The following RBFOX1 variants were observed in gnomAD, a reference collection of about 807,000 sequenced individuals.
RBFOX1 encodes the protein RNA binding fox-1 homolog 1.
Under a neutral mutation model 57.7 loss-of-function variants are expected in RBFOX1, and 8 were observed. The observed-to-expected ratio is 0.14, with a 90% CI of 0.08 to 0.25. The LOEUF is 0.25. Among genes scored for constraint, RBFOX1 ranks in the 10% least tolerant of loss-of-function variants. The pLI, the probability that RBFOX1 is intolerant of heterozygous loss-of-function variation, is 1.00. For missense variants in RBFOX1, 611 were observed against 548.5 expected (o/e 1.11, Z -1.14); for synonymous variants, 326 against 222.4 (o/e 1.47, Z -4.15).
chr16:6,243,323 G>T (rs1383018860), intron 1 of RBFOX1, among the ~76,000 whole-genome samples: 2 of 152,140 alleles, frequency 1.3e-5, no homozygotes, highest in East Asian at 1.9e-4. Context: ...TGAATTGGGA[G>T]AAATAAAAGT....
chr16:7,327,813 C>T (rs2096630927), intron 4 of RBFOX1, among the ~76,000 whole-genome samples: 1 of 149,252 alleles, frequency 6.7e-6, no homozygotes, highest in African/African-American at 2.4e-5. Flanking sequence ...ACAATATTAC[C>T]TTTTTTTTTT....
chr16:5,752,800 C>T (rs1472448241), intron 3 of RBFOX1, among the ~76,000 whole-genome samples: 2 of 152,114 alleles, frequency 1.3e-5, no homozygotes, highest in Non-Finnish European at 2.9e-5. Context: ...TGAATTTCTG[C>T]AACTTTGAGG....
intron 4 of RBFOX1, among the ~76,000 whole-genome samples, chr16:7,273,245 CCTTCCTT>C (rs1182077988): frequency 4.2e-5 from 6 of 141,898 alleles, no homozygotes; most frequent in African/African-American, 1.6e-4. Flanking sequence ...TTCCTTCCTT[CCTTCCTT>C]CCTTCCTTCC....
At chr16:5,569,072 G>A (rs977747007) in intron 2 of RBFOX1, among the ~76,000 whole-genome samples, 8 of 149,818 alleles carry the variant, frequency 5.3e-5, no homozygotes, top group African/African-American at 2.0e-4. Context: ...GGTTGGTCTC[G>A]AACTCCTGAC....
intron 1 of RBFOX1, among the ~76,000 whole-genome samples, chr16:5,328,826 C>G (rs1159915712): frequency 6.6e-6 from 1 of 152,174 alleles, no homozygotes; most frequent in African/African-American, 2.4e-5. Context: ...GTGAAATTCA[C>G]AAAGAGAAGG....
chr16:6,209,481 C>A (rs1466250829), intron 1 of RBFOX1, among the ~76,000 whole-genome samples: 1 of 152,218 alleles, frequency 6.6e-6, no homozygotes, highest in Non-Finnish European at 1.5e-5. Flanking sequence ...TCATCTAATA[C>A]ACGTAACCTC....
At chr16:7,168,411 C>A (rs571508533) in intron 4 of RBFOX1, among the ~76,000 whole-genome samples, 2 of 152,048 alleles carry the variant, frequency 1.3e-5, no homozygotes, top group Non-Finnish European at 2.9e-5. Context: ...CCTCAACAGC[C>A]ACATTGTCCA....
At chr16:6,560,121 A>G (rs535538841) in intron 2 of RBFOX1, among the ~76,000 whole-genome samples, 1 of 151,290 alleles carries the variant, frequency 6.6e-6, no homozygotes, top group African/African-American at 2.4e-5. Context: ...GCGGTGGGGT[A>G]ATCACTCTGT....
intron 14 of RBFOX1, 69 bp from the exon 15 acceptor site, chr16:7,708,987 G>C (rs1346015529): frequency 1.4e-6 from 2 of 1,457,810 alleles, no homozygotes; most frequent in East Asian, 2.3e-5. Flanking sequence ...TGGTATTTTG[G>C]ATTTTATGAT....
chr16:6,664,853 C>T (rs953188436), intron 3 of RBFOX1, among the ~76,000 whole-genome samples: 7 of 152,166 alleles, frequency 4.6e-5, no homozygotes, highest in Non-Finnish European at 7.4e-5. Flanking sequence ...AGTTGAATCC[C>T]GGTTCTGCCC....
chr16:7,670,353 G>A (rs2070988331), intron 13 of RBFOX1, among the ~76,000 whole-genome samples: 1 of 152,000 alleles, frequency 6.6e-6, no homozygotes, highest in Non-Finnish European at 1.5e-5. Context: ...TTTTTTTCCA[G>A]AAAAAAAGAA....
intron 1 of RBFOX1, among the ~76,000 whole-genome samples, chr16:5,415,671 G>C (rs1252249801): frequency 6.6e-6 from 1 of 152,056 alleles, no homozygotes; most frequent in Non-Finnish European, 1.5e-5. Flanking sequence ...AAATGATACT[G>C]GTTTTCTATT....
In RBFOX1 at chr16:5,615,218, A is replaced by T. The variant is rs145630394; in HGVS notation, c.318+16257A>T. ...TCTGGCTATCTTCATTTTTGTACAG[A>T]TGGAGTCTCACTATGTTGCCCAGGC... On this transcript the variant is annotated intron_variant, in intron 3 of 19. Coordinates refer to the RBFOX1 transcript ENST00000641259. 7.6e-4 allele frequency among the ~76,000 whole-genome samples: 115 copies of T among 152,292 alleles called. 1 individual carries two copies. The East Asian group carries it at 0.017, about 23-fold the overall frequency.
intron 3 of RBFOX1, among the ~76,000 whole-genome samples, chr16:6,918,674 G>A (rs920772291): frequency 6.6e-6 from 1 of 152,068 alleles, no homozygotes; most frequent in East Asian, 1.9e-4. Flanking sequence ...TACCCAATGG[G>A]CATATCTCTG....
chr16:6,176,653 G>A (rs1175641296), intron 1 of RBFOX1, among the ~76,000 whole-genome samples: 1 of 151,244 alleles, frequency 6.6e-6, no homozygotes, highest in Non-Finnish European at 1.5e-5. Flanking sequence ...ATTGTTATGA[G>A]TATTATTGTT....
chr16:7,243,783 C>G (rs879405855), intron 4 of RBFOX1, among the ~76,000 whole-genome samples: 3 of 152,076 alleles, frequency 2.0e-5, no homozygotes, highest in Non-Finnish European at 4.4e-5. Flanking sequence ...CTTTTAGGCT[C>G]AAGTGATCCT....
intron 2 of RBFOX1, among the ~76,000 whole-genome samples, chr16:6,646,562 G>A (rs932168406): frequency 1.3e-5 from 2 of 152,050 alleles, no homozygotes; most frequent in Admixed American, 1.3e-4. Flanking sequence ...CCACTTCTGT[G>A]TGGGTAAATC....
intron 2 of RBFOX1, among the ~76,000 whole-genome samples, chr16:5,580,020 CT>C (rs1293440147): frequency 6.6e-6 from 1 of 152,176 alleles, no homozygotes; most frequent in East Asian, 1.9e-4. Context: ...ATGCACCCAC[CT>C]TGGCCTCCCA....
chr16:5,423,434 C>G (rs1033957177), intron 1 of RBFOX1, among the ~76,000 whole-genome samples: 14 of 152,192 alleles, frequency 9.2e-5, no homozygotes, highest in African/African-American at 3.1e-4. Context: ...CACAGAATAA[C>G]TACCATGTGA....
Sources: allele counts gnomAD v4.1 joint callset (sites outside exome capture counted in the v4.1 genomes callset), GRCh38; gene constraint gnomAD v4.1.1; transcripts MANE v1.5; gene names NCBI Gene and HGNC (gene_info 2026-07-23, HGNC 2026-07-21).